IL1RAP: variants seen among roughly 807,000 people sequenced by gnomAD.
IL1RAP encodes the protein interleukin 1 receptor accessory protein.
Under a neutral mutation model 60.7 loss-of-function variants are expected in IL1RAP, and 35 were observed. That is an observed-to-expected ratio of 0.58 (90% CI 0.44 to 0.76). The LOEUF (loss-of-function observed/expected upper bound fraction) is 0.76. IL1RAP is among the 30% of genes least tolerant of loss of function. IL1RAP has a pLI of 0.00. For synonymous variants in IL1RAP, 268 were observed against 250.9 expected (o/e 1.07, Z -0.64); for missense variants, 572 against 693.9 (o/e 0.82, Z 1.97).
intron 1 of IL1RAP, among the ~76,000 whole-genome samples, chr3:190,528,917 G>T (rs1056521395): frequency 1.3e-5 from 2 of 152,156 alleles, no homozygotes; most frequent in African/African-American, 4.8e-5. Context: ...TGGATTGTGC[G>T]ATTTATCAGA....
intron 1 of IL1RAP, among the ~76,000 whole-genome samples, chr3:190,540,570 CTCTT>C (rs1723844067): frequency 6.6e-6 from 1 of 151,232 alleles, no homozygotes; most frequent in African/African-American, 2.4e-5. Context: ...GTTCATTTTG[CTCTT>C]TCTTCTGATT....
chr3:190,578,864 C>T (rs1243590520), intron 3 of IL1RAP, among the ~76,000 whole-genome samples: 1 of 152,158 alleles, frequency 6.6e-6, no homozygotes, highest in Non-Finnish European at 1.5e-5. Context: ...CATCAGATCT[C>T]ATGAGACTAT....
At chr3:190,572,167 C>A (rs1323609766) in intron 3 of IL1RAP, among the ~76,000 whole-genome samples, 2 of 152,022 alleles carry the variant, frequency 1.3e-5, no homozygotes, top group Non-Finnish European at 1.5e-5. Flanking sequence ...CCTTCTCTAG[C>A]GTTTGGGACT....
At chr3:190,547,677 C>T (rs1724496130) in intron 1 of IL1RAP, among the ~76,000 whole-genome samples, 1 of 152,152 alleles carries the variant, frequency 6.6e-6, no homozygotes, top group South Asian at 2.1e-4. Flanking sequence ...CACTGAAGCC[C>T]CTGTGCTTTC....
chr3:190,626,692 A>T (rs191328999), intron 7 of IL1RAP, among the ~76,000 whole-genome samples: 4,346 of 112,518 alleles, frequency 0.039, 90 homozygotes, highest in Non-Finnish European at 0.051. Context: ...TTTTTTGGAG[A>T]TGGAGTCTCA....
chr3:190,542,207 G>A (rs935705788), intron 1 of IL1RAP, among the ~76,000 whole-genome samples: 1 of 152,114 alleles, frequency 6.6e-6, no homozygotes, highest in African/African-American at 2.4e-5. Context: ...CACAGCAAAC[G>A]AAATATTGAA....
intron 9 of IL1RAP, among the ~76,000 whole-genome samples, chr3:190,638,084 T>G (rs949511273): frequency 3.3e-5 from 5 of 152,162 alleles, no homozygotes; most frequent in African/African-American, 1.2e-4. Context: ...TGGGGTCTTT[T>G]GAATAAAGCT....
downstream of IL1RAP, among the ~76,000 whole-genome samples, chr3:190,654,105 T>C (rs1405879798): frequency 6.6e-6 from 1 of 152,034 alleles, no homozygotes; most frequent in African/African-American, 2.4e-5. Flanking sequence ...TCTGGAACAG[T>C]GTTTGTTGTA....
chr3:190,562,692 G>A lies in IL1RAP; in HGVS notation c.-1-1597G>A, dbSNP rs560883059. On this transcript the variant is annotated intron_variant, in intron 2 of 11. Coordinates refer to ENST00000447382, the MANE Select transcript of IL1RAP (RefSeq NM_002182.4). ...GCTTGCCTGTATCAAAACATATCTC[G>A]TCCACACACACACACACACACACAC... 6.5e-3 allele frequency among the ~76,000 whole-genome samples: 553 copies of A among 85,528 alleles called. 7 individuals are homozygous for A. The highest frequency in any genetic ancestry group is 0.024 in the African/African-American group (500 of 20,856). The allele number at this position is 85,528 out of a possible 152,430, so 56.1% of individuals were successfully genotyped here. A position where few individuals can be genotyped will look rare whatever the true frequency, so the allele number is the denominator to read the frequency against.
chr3:190,536,099 G>C (rs1441996934), intron 1 of IL1RAP, among the ~76,000 whole-genome samples: 1 of 151,980 alleles, frequency 6.6e-6, no homozygotes, highest in African/African-American at 2.4e-5. Flanking sequence ...ACCAGTTTTT[G>C]CTTGTTGGGT....
chr3:190,616,717 G>A (rs80195707), intron 5 of IL1RAP, among the ~76,000 whole-genome samples: 3,725 of 152,144 alleles, frequency 0.024, 54 homozygotes, highest in Non-Finnish European at 0.036. Context: ...ACCATCCAAT[G>A]TCTTATATTC....
Position 190,649,326 on chromosome 3 carries a change from G to A in IL1RAP, c.*621G>A. ...CTATACCACCCTTGTCCTCATCTCA[G>A]GTAATTTATGAAATCTATGTAAACT... On this transcript the variant is annotated 3_prime_UTR_variant, in exon 12 of 12. Transcript: ENST00000447382. The A allele has an allele frequency of 2.0e-6, 2 of 984,834 alleles. No individual in the cohort carries two copies. Among genetic ancestry groups the A allele is most frequent in the African/African-American group, 1.7e-5 (1 of 57,310 alleles). 61.0% of individuals were successfully genotyped at this position (984,834 alleles called of 1,614,324 possible).
At chr3:190,576,075 GT>G in intron 3 of IL1RAP, among the ~76,000 whole-genome samples, 1 of 151,844 alleles carries the variant, frequency 6.6e-6, no homozygotes, top group African/African-American at 2.4e-5. Context: ...AAAAAAAATA[GT>G]TAAATTCCTA....
chr3:190,659,458 C>T (rs1205233112), exon 12 of IL1RAP: 1 of 152,138 alleles, frequency 6.6e-6, no homozygotes, highest in East Asian at 1.9e-4. Flanking sequence ...ATTATTATTT[C>T]TTGACCTGAC....
At chr3:190,614,812 G>T (rs185883918) in intron 5 of IL1RAP, among the ~76,000 whole-genome samples, 105 of 152,250 alleles carry the variant, frequency 6.9e-4, no homozygotes, top group African/African-American at 2.4e-3. Flanking sequence ...TGTAAGGAGG[G>T]TGGTCCAGCC....
chr3:190,559,423 G>T (rs1725699843), intron 2 of IL1RAP, among the ~76,000 whole-genome samples: 1 of 151,858 alleles, frequency 6.6e-6, no homozygotes, highest in African/African-American at 2.4e-5. Context: ...TATTATGCTT[G>T]TTTCATTTAT....
At chr3:190,632,305 G>C (rs1420715657) in intron 9 of IL1RAP, among the ~76,000 whole-genome samples, 1 of 152,176 alleles carries the variant, frequency 6.6e-6, no homozygotes, top group East Asian at 1.9e-4. Context: ...TGGATGCATA[G>C]TTTTATTACA....
chr3:190,555,081 G>A (rs987750633), intron 1 of IL1RAP, among the ~76,000 whole-genome samples: 8 of 152,118 alleles, frequency 5.3e-5, no homozygotes, highest in Non-Finnish European at 7.4e-5. Flanking sequence ...GTTATTAGTG[G>A]CAATGTCGTT....
chr3:190,633,193 A>C (rs529799788), intron 9 of IL1RAP, among the ~76,000 whole-genome samples: 1 of 152,198 alleles, frequency 6.6e-6, no homozygotes, highest in Admixed American at 6.5e-5. Context: ...TGAAATCTTA[A>C]CAATACTGTA....
Sources: gnomAD v4.1 joint callset for allele counts (sites outside exome capture counted in the v4.1 genomes callset) on GRCh38, gnomAD v4.1.1 for gene constraint, MANE v1.5 for transcripts, NCBI Gene and HGNC (gene_info 2026-07-23, HGNC 2026-07-21) for gene names.